DCC: variants seen among roughly 807,000 people sequenced by gnomAD.
The protein encoded by DCC is DCC netrin 1 receptor, also known as netrin receptor DCC.
In DCC, 58 loss-of-function variants were observed where a neutral mutation model predicts 172.5. That is an observed-to-expected ratio of 0.34 (90% CI 0.27 to 0.42). DCC has a LOEUF of 0.42. Among genes scored for constraint, DCC ranks in the 10% least tolerant of loss-of-function variants. The pLI, the probability that DCC is intolerant of heterozygous loss-of-function variation, is 1.00. For missense variants in DCC, 1,740 were observed against 1,791.0 expected (o/e 0.97, Z 0.51); for synonymous variants, 709 against 644.5 (o/e 1.10, Z -1.52).
intron 2 of DCC, among the ~76,000 whole-genome samples, chr18:52,779,160 T>TC (rs2037486709): frequency 6.6e-6 from 1 of 151,040 alleles, no homozygotes; most frequent in Non-Finnish European, 1.5e-5. Flanking sequence ...TATCCATAAA[T>TC]CTTTTTTTTT....
intron 2 of DCC, among the ~76,000 whole-genome samples, chr18:52,827,846 C>G (rs2145287552): frequency 6.6e-6 from 1 of 152,312 alleles, no homozygotes; most frequent in African/African-American, 2.4e-5. Context: ...TTCAACTGAA[C>G]ACAAGTCCCA....
intron 1 of DCC, among the ~76,000 whole-genome samples, chr18:52,534,668 G>A (rs1294557071): frequency 6.6e-6 from 1 of 152,160 alleles, no homozygotes; most frequent in African/African-American, 2.4e-5. Context: ...CCACCTTGCA[G>A]ATTGAGAGTA....
At chr18:52,938,403 AGTT>A (rs1435083962) in intron 5 of DCC, among the ~76,000 whole-genome samples, 1 of 152,094 alleles carries the variant, frequency 6.6e-6, no homozygotes, top group Non-Finnish European at 1.5e-5. Context: ...TGTACATCCT[AGTT>A]GTTTGGGTTT....
At chr18:53,104,955 G>A (rs2043223608) in intron 7 of DCC, among the ~76,000 whole-genome samples, 1 of 152,060 alleles carries the variant, frequency 6.6e-6, no homozygotes, top group Admixed American at 6.6e-5. Context: ...AGCAGACAGA[G>A]AAGAAAAGTA....
rs1180909630 is a variant in DCC at position 53,351,330 on chromosome 18, ATACAGTG to A, written c.2359+11426_2359+11432del. Among the ~76,000 whole-genome samples, 37 of 49,164 alleles carry A rather than the reference ATACAGTG, an allele frequency of 7.5e-4. 1 individual carries two copies. The highest frequency in any genetic ancestry group is 0.012 in the Middle Eastern group (1 of 84). 32.3% of individuals were successfully genotyped at this position (49,164 alleles called of 152,430 possible). ...ATATATATATACACTGTATATATAT[ATACAGTG>A]TATATATATATACACAGTATATATA... On this transcript the variant is annotated intron_variant, in intron 15 of 28. Transcript: ENST00000442544.
chr18:52,905,896 G>A, intron 2 of DCC, 148 bp from the exon 3 acceptor site: 1 of 692,708 alleles, frequency 1.4e-6, no homozygotes, highest in Middle Eastern at 3.8e-4. Context: ...AGAAAATGTG[G>A]TAAAGTGTGA....
At chr18:53,285,804 A>T (rs1359647040) in intron 12 of DCC, among the ~76,000 whole-genome samples, 1 of 152,240 alleles carries the variant, frequency 6.6e-6, no homozygotes, top group African/African-American at 2.4e-5. Context: ...ACAGGGGTAG[A>T]GCTGCCAAAT....
chr18:53,245,245 G>A (rs2056351911), intron 12 of DCC, among the ~76,000 whole-genome samples: 1 of 152,076 alleles, frequency 6.6e-6, no homozygotes, highest in Non-Finnish European at 1.5e-5. Flanking sequence ...TCTGTCATCT[G>A]CTTTATATAT....
At chr18:53,249,416 TA>T (rs2056402412) in intron 12 of DCC, among the ~76,000 whole-genome samples, 1 of 151,906 alleles carries the variant, frequency 6.6e-6, no homozygotes, top group Non-Finnish European at 1.5e-5. Flanking sequence ...TTGACATTTT[TA>T]CAATTAGGGT....
intron 1 of DCC, among the ~76,000 whole-genome samples, chr18:52,640,289 A>C (rs1485399901): frequency 1.3e-5 from 2 of 152,166 alleles, no homozygotes; most frequent in Non-Finnish European, 2.9e-5. Flanking sequence ...ATTCCCTCTG[A>C]GAACTGGAAC....
intron 15 of DCC, among the ~76,000 whole-genome samples, chr18:53,340,392 A>G (rs1430089494): frequency 3.3e-5 from 5 of 152,138 alleles, no homozygotes; most frequent in Admixed American, 3.3e-4. Flanking sequence ...CCAAATATGA[A>G]TGTTAAAGGC....
At chr18:52,795,153 T>C (rs1444008768) in intron 2 of DCC, among the ~76,000 whole-genome samples, 1 of 152,114 alleles carries the variant, frequency 6.6e-6, no homozygotes, top group Non-Finnish European at 1.5e-5. Flanking sequence ...TAGAATGAGT[T>C]AGGAATAACT....
chr18:53,005,621 G>A (rs1434556491), intron 5 of DCC, among the ~76,000 whole-genome samples: 4 of 152,112 alleles, frequency 2.6e-5, no homozygotes, highest in African/African-American at 7.2e-5. Flanking sequence ...CCAGCTACTC[G>A]GGAGACTGAG....
At chr18:53,125,972 T>G (rs940396267) in intron 7 of DCC, among the ~76,000 whole-genome samples, 2 of 152,070 alleles carry the variant, frequency 1.3e-5, no homozygotes, top group African/African-American at 4.8e-5. Context: ...TGCAAGTTAT[T>G]GAGTGTATAC....
intron 2 of DCC, among the ~76,000 whole-genome samples, chr18:52,900,519 A>G (rs1379721329): frequency 2.6e-5 from 4 of 152,178 alleles, no homozygotes; most frequent in African/African-American, 9.6e-5. Flanking sequence ...ATAATTTTTG[A>G]TGCTGAAGCC....
At chr18:53,029,183 A>T (rs566141246) in intron 5 of DCC, among the ~76,000 whole-genome samples, 7 of 152,170 alleles carry the variant, frequency 4.6e-5, no homozygotes, top group Non-Finnish European at 1.0e-4. Flanking sequence ...AATTACCCAA[A>T]TGTGGATTTT....
chr18:53,036,526 C>G (rs2042094713), intron 5 of DCC, among the ~76,000 whole-genome samples: 1 of 152,018 alleles, frequency 6.6e-6, no homozygotes, highest in Non-Finnish European at 1.5e-5. Context: ...AACGTTCCTT[C>G]TGCTACTTCA....
chr18:52,500,947 A>T (rs1448632641), intron 1 of DCC, among the ~76,000 whole-genome samples: 1 of 152,216 alleles, frequency 6.6e-6, no homozygotes, highest in Non-Finnish European at 1.5e-5. Context: ...ACACGTGGAC[A>T]TATAAGATGG....
At chr18:52,726,510 C>A (rs1244664448) in intron 1 of DCC, among the ~76,000 whole-genome samples, 1 of 152,172 alleles carries the variant, frequency 6.6e-6, no homozygotes, top group Non-Finnish European at 1.5e-5. Context: ...TCTCACAATG[C>A]ACCTGATTCT....
Sources: gnomAD v4.1 joint callset for allele counts (sites outside exome capture counted in the v4.1 genomes callset) on GRCh38, gnomAD v4.1.1 for gene constraint, MANE v1.5 for transcripts, NCBI Gene and HGNC (gene_info 2026-07-23, HGNC 2026-07-21) for gene names.